Variants in GRAPL observed in about 807,000 individuals in gnomAD.
The protein encoded by GRAPL is GRB2-related adapter protein-like.
rs1188117064 is a variant in GRAPL at position 19,130,579 on chromosome 17, G to GA, written c.79-2052dup. Among the ~76,000 whole-genome samples the GA allele has an allele frequency of 2.5e-3, 159 of 63,112 alleles. 38 individuals are homozygous for GA. Among genetic ancestry groups the GA allele is most frequent in the African/African-American group, 0.012 (145 of 11,852 alleles). The allele number at this position is 63,112 out of a possible 152,430, so 41.4% of individuals were successfully genotyped here. On this transcript the variant is annotated intron_variant, in intron 1 of 3. Coordinates refer to ENST00000344415, the MANE Select transcript of GRAPL (RefSeq NM_001129778.3). ...ACAGAGTGAGACTCCATCTCAAAAA[G>GA]AAAAAAAAAAAGAAAAAAGAAAAAG...
In GRAPL at chr17:19,149,328, CAAAAAAAAAAAA is replaced by C. The variant is rs1169593968; in HGVS notation, c.300-8974_300-8963del. Reference sequence around the variant, plus strand: ...TGGGCAACAGAGCAAGACTCTGTCTCAAAAAAAAAAAAAAAAAAAAAAAAAAAAGATAGCATC... The same window carrying C: ...TGGGCAACAGAGCAAGACTCTGTCTCAAAAAAAAAAAAAAAAGATAGCATC... On this transcript the variant is annotated intron_variant, in intron 3 of 3. Transcript: ENST00000344415. Among the ~76,000 whole-genome samples, 3 of 12,634 alleles carry C rather than the reference CAAAAAAAAAAAA, an allele frequency of 2.4e-4. 1 individual carries two copies. The African/African-American group carries it at 5.8e-3, about 24-fold the overall frequency. The allele number at this position is 12,634 out of a possible 152,430, so 8.3% of individuals were successfully genotyped here.
intron 3 of GRAPL, among the ~76,000 whole-genome samples, chr17:19,149,304 G>A (rs1204051177): frequency 1.1e-5 from 1 of 91,016 alleles, no homozygotes; most frequent in Non-Finnish European, 1.8e-5. Flanking sequence ...ACTCCAGCCT[G>A]GGCAACAGAG....
intron 3 of GRAPL, chr17:19,144,307 T>C (rs866413179): frequency 5.8e-5 from 21 of 362,868 alleles, no homozygotes; most frequent in African/African-American, 9.5e-5. Flanking sequence ...CTGCTGCTGC[T>C]GCCGCCACCA....
intron 3 of GRAPL, among the ~76,000 whole-genome samples, chr17:19,146,642 CA>C (rs768248780): frequency 0.018 from 924 of 51,322 alleles, 4 homozygotes; most frequent in African/African-American, 0.067. Flanking sequence ...GACTCCGTCT[CA>C]AAAAAAAAAA....
At chr17:19,148,944 C>T (rs1364041029) in intron 3 of GRAPL, among the ~76,000 whole-genome samples, 11 of 129,188 alleles carry the variant, frequency 8.5e-5, no homozygotes, top group Admixed American at 8.5e-4. Flanking sequence ...AAAGAAAGAG[C>T]AGGCTCTCTC....
chr17:19,148,931 A>G (rs1258413986), intron 3 of GRAPL, among the ~76,000 whole-genome samples: 2 of 131,848 alleles, frequency 1.5e-5, no homozygotes, highest in East Asian at 3.2e-4. Context: ...AAAAGAAAAG[A>G]AAAAAGAAAG....
chr17:19,147,117 A>T (rs1260489633), intron 3 of GRAPL, among the ~76,000 whole-genome samples: 1 of 143,720 alleles, frequency 7.0e-6, no homozygotes, highest in Non-Finnish European at 1.5e-5. Context: ...GTTGGATCTC[A>T]TTTAGCCCAA....
At chr17:19,144,331 C>T (rs1350150481) in intron 3 of GRAPL, among the ~76,000 whole-genome samples, 2 of 135,684 alleles carry the variant, frequency 1.5e-5, no homozygotes, top group African/African-American at 5.5e-5. Flanking sequence ...CAGAAAAACT[C>T]GCTGGGCAGG....
At chr17:19,144,735 G>A (rs2044689193) in intron 3 of GRAPL, among the ~76,000 whole-genome samples, 1 of 104,686 alleles carries the variant, frequency 9.6e-6, no homozygotes, top group Non-Finnish European at 1.8e-5. Flanking sequence ...AGCCCTCCCG[G>A]TTCCGGGGCC....
rs540471513 is a variant in GRAPL at position 19,149,835 on chromosome 17, C to T, written c.300-8484C>T. On this transcript the variant is annotated intron_variant, in intron 3 of 3. Coordinates refer to ENST00000344415, the MANE Select transcript of GRAPL (RefSeq NM_001129778.3). ...TCCCAATCCCAGCACTTTGGGAGGC[C>T]GACCGAGGTGGGTGGATCACTTGAG... Among the ~76,000 whole-genome samples the T allele has an allele frequency of 1.3e-4, 11 of 87,018 alleles. 5 individuals are homozygous for T. The highest frequency in any genetic ancestry group is 1.1e-3 in the African/African-American group (8 of 7,300). The allele number at this position is 87,018 out of a possible 152,430, so 57.1% of individuals were successfully genotyped here.
chr17:19,144,530 G>GAC (rs771888194), intron 3 of GRAPL, among the ~76,000 whole-genome samples: 18 of 143,076 alleles, frequency 1.3e-4, no homozygotes, highest in Admixed American at 2.8e-4. Context: ...GACACACACA[G>GAC]ACACACACAC....
At chr17:19,148,950 C>G (rs988675797) in intron 3 of GRAPL, among the ~76,000 whole-genome samples, 4 of 130,694 alleles carry the variant, frequency 3.1e-5, no homozygotes, top group Non-Finnish European at 6.4e-5. Flanking sequence ...AGAGCAGGCT[C>G]TCTCCTCCGC....
chr17:19,147,046 T>TGCGC (rs2044698907), intron 3 of GRAPL, among the ~76,000 whole-genome samples: 1 of 125,638 alleles, frequency 8.0e-6, no homozygotes, highest in African/African-American at 3.8e-5. Context: ...TGTGTGTGTG[T>TGCGC]GTGTGCGCGC....
At chr17:19,149,271 G>A (rs544097497) in intron 3 of GRAPL, among the ~76,000 whole-genome samples, 2,139 of 92,238 alleles carry the variant, frequency 0.023, 88 homozygotes, top group Non-Finnish European at 0.027. Context: ...AGAGGTTGCA[G>A]TGAGCTGAGA....
At position 19,149,328 on chromosome 17, in the gene GRAPL, C is replaced by CAA. The variant is rs1169593968; in HGVS notation, c.300-8964_300-8963dup. On this transcript the variant is annotated intron_variant, in intron 3 of 3. Coordinates refer to ENST00000344415, the MANE Select transcript of GRAPL (RefSeq NM_001129778.3). ...TGGGCAACAGAGCAAGACTCTGTCT[C>CAA]AAAAAAAAAAAAAAAAAAAAAAAAA... Among the ~76,000 whole-genome samples the CAA allele has an allele frequency of 4.0e-4, 5 of 12,630 alleles. 1 individual carries two copies. Among genetic ancestry groups the CAA allele is most frequent in the African/African-American group, 3.9e-3 (2 of 516 alleles). The allele number at this position is 12,630 out of a possible 152,430, so 8.3% of individuals were successfully genotyped here. A position where few individuals can be genotyped will look rare whatever the true frequency, so the allele number is the denominator to read the frequency against.
intron 3 of GRAPL, among the ~76,000 whole-genome samples, chr17:19,144,857 G>T (rs1439370498): frequency 1.4e-5 from 1 of 70,004 alleles, no homozygotes; most frequent in Non-Finnish European, 2.7e-5. Flanking sequence ...CAGTCTGGGG[G>T]ATTCTCAAAT....
At chr17:19,149,836 G>A (rs1461069817) in intron 3 of GRAPL, among the ~76,000 whole-genome samples, 1 of 87,974 alleles carries the variant, frequency 1.1e-5, no homozygotes, top group Non-Finnish European at 1.7e-5. Context: ...TTGGGAGGCC[G>A]ACCGAGGTGG....
chr17:19,141,609 A>T (rs1193988625), intron 3 of GRAPL: 2 of 145,238 alleles, frequency 1.4e-5, no homozygotes, highest in African/African-American at 2.6e-5. Context: ...CTGACTGCCC[A>T]CCCCCGGGAT....
intron 3 of GRAPL, among the ~76,000 whole-genome samples, chr17:19,144,327 A>T (rs907976870): frequency 3.7e-5 from 5 of 135,604 alleles, no homozygotes; most frequent in Non-Finnish European, 6.2e-5. Flanking sequence ...AGGCCAGAAA[A>T]ACTCGCTGGG....
Sources: gnomAD v4.1 joint callset for allele counts (sites outside exome capture counted in the v4.1 genomes callset) on GRCh38, gnomAD v4.1.1 for gene constraint, MANE v1.5 for transcripts, NCBI Gene and HGNC (gene_info 2026-07-23, HGNC 2026-07-21) for gene names.